The following SND1 variants were observed in gnomAD, a reference collection of about 807,000 sequenced individuals.
SND1 encodes the protein staphylococcal nuclease domain-containing protein 1.
SND1 carries 38 observed loss-of-function variants against 121.7 expected under a neutral mutation model. That is an observed-to-expected ratio of 0.31 (90% CI 0.24 to 0.41). The LOEUF (loss-of-function observed/expected upper bound fraction) is 0.41, where lower values mean the gene tolerates loss of function less well. SND1 is among the 10% of genes least tolerant of loss of function. SND1 has a pLI of 1.00. For missense variants in SND1, 868 were observed against 1,184.6 expected (o/e 0.73, Z 3.92); for synonymous variants, 401 against 447.4 (o/e 0.90, Z 1.31).
chr7:127,906,756 T>C (rs1236334411), intron 14 of SND1, among the ~76,000 whole-genome samples: 7 of 152,120 alleles, frequency 4.6e-5, no homozygotes, highest in Non-Finnish European at 1.0e-4. Context: ...AGTCTCAGGG[T>C]TGTCCTCTCC....
At chr7:127,668,554 T>C (rs1454566527) in intron 1 of SND1, among the ~76,000 whole-genome samples, 1 of 152,230 alleles carries the variant, frequency 6.6e-6, no homozygotes, top group African/African-American at 2.4e-5. Flanking sequence ...AAGTATTTTT[T>C]TGGAATAAAT....
rs181244942 is a variant in SND1 at position 128,083,244 on chromosome 7, T to A, written c.2111-1480T>A. 7.9e-5 allele frequency among the ~76,000 whole-genome samples: 12 copies of A among 152,332 alleles called. No homozygotes were observed. In the East Asian group the frequency reaches 2.3e-3, roughly 29 times the overall value. ...CTCTGTAAGGACCTCCCAGAGGGCT[T>A]TGCCTGTTGGCAGGAGACAAAGTCC... On this transcript the variant is annotated intron_variant, in intron 18 of 23. Coordinates refer to ENST00000354725, the MANE Select transcript of SND1 (RefSeq NM_014390.4).
chr7:127,677,274 A>G (rs1795632677), intron 1 of SND1, among the ~76,000 whole-genome samples: 1 of 152,244 alleles, frequency 6.6e-6, no homozygotes, highest in Non-Finnish European at 1.5e-5. Context: ...CTGGATCATA[A>G]CAACTTATAT....
At chr7:128,032,360 G>A (rs906141000) in intron 16 of SND1, among the ~76,000 whole-genome samples, 14 of 148,866 alleles carry the variant, frequency 9.4e-5, no homozygotes, top group Non-Finnish European at 1.9e-4. Context: ...CCCTCTAGAC[G>A]AGCGGAGCGG....
chr7:128,017,577 C>A (rs959232889), intron 16 of SND1, among the ~76,000 whole-genome samples: 2 of 152,182 alleles, frequency 1.3e-5, no homozygotes, highest in Admixed American at 1.3e-4. Context: ...GAAAAGCCTG[C>A]CATGCGGCCT....
intron 15 of SND1, among the ~76,000 whole-genome samples, chr7:127,945,257 CCGAGGTGGGCGGATCA>C (rs1801302982): frequency 6.6e-6 from 1 of 152,136 alleles, no homozygotes; most frequent in Admixed American, 6.5e-5. Flanking sequence ...CTTTGGGAGG[CCGAGGTGGGCGGATCA>C]CGAGGTCAGG....
At chr7:127,992,302 T>G (rs1035427014) in intron 16 of SND1, among the ~76,000 whole-genome samples, 1 of 152,294 alleles carries the variant, frequency 6.6e-6, no homozygotes, top group Non-Finnish European at 1.5e-5. Context: ...GCCTGAATTT[T>G]TATCAATTAA....
chr7:127,858,221 T>TA, intron 12 of SND1: 1 of 781,916 alleles, frequency 1.3e-6, no homozygotes, highest in Admixed American at 1.8e-5. Flanking sequence ...CGTTTCCTGG[T>TA]ACATGCCAAG....
chr7:128,087,919 G>A (rs74529632), intron 21 of SND1, among the ~76,000 whole-genome samples: 3,438 of 152,190 alleles, frequency 0.023, 72 homozygotes, highest in Non-Finnish European at 0.036. Flanking sequence ...CAGATCCCCC[G>A]GGAGCTCAGG....
chr7:128,048,599 A>G (rs1356005509), intron 16 of SND1, among the ~76,000 whole-genome samples: 3 of 152,062 alleles, frequency 2.0e-5, no homozygotes, highest in Non-Finnish European at 4.4e-5. Flanking sequence ...CAGCCTTGGG[A>G]CGGGAGAGAG....
At chr7:127,789,439 C>T (rs1316735442) in intron 10 of SND1, among the ~76,000 whole-genome samples, 1 of 152,158 alleles carries the variant, frequency 6.6e-6, no homozygotes, top group East Asian at 1.9e-4. Context: ...TAATGTGAGA[C>T]AAATAATTGA....
chr7:127,933,034 T>C (rs1800986437), intron 15 of SND1, among the ~76,000 whole-genome samples: 1 of 152,234 alleles, frequency 6.6e-6, no homozygotes, highest in Non-Finnish European at 1.5e-5. Flanking sequence ...TTTGGCAATG[T>C]AGAGCTTTAT....
chr7:127,652,473 C>A (rs556448773), intron 1 of SND1, 22 bp downstream of exon 1: 12 of 1,547,922 alleles, frequency 7.8e-6, no homozygotes, highest in East Asian at 2.4e-5. Flanking sequence ...CCCCGGACAC[C>A]GACCCCTCTG....
At chr7:128,007,455 T>C (rs1483593860) in intron 16 of SND1, among the ~76,000 whole-genome samples, 3 of 152,186 alleles carry the variant, frequency 2.0e-5, no homozygotes, top group Admixed American at 1.3e-4. Context: ...AGGCCTGATA[T>C]GGAGACGAGG....
chr7:127,652,957 G>C (rs913673251), intron 1 of SND1, among the ~76,000 whole-genome samples: 2 of 152,046 alleles, frequency 1.3e-5, no homozygotes, highest in Admixed American at 6.5e-5. Context: ...TCCACCTCTT[G>C]TGTCGACCTG....
intron 14 of SND1, among the ~76,000 whole-genome samples, chr7:127,913,003 G>A (rs1051626201): frequency 1.3e-5 from 2 of 152,136 alleles, no homozygotes; most frequent in African/African-American, 4.8e-5. Context: ...GAAAATTCAG[G>A]CACCAGAGCA....
chr7:127,996,950 G>A (rs567758665), intron 16 of SND1, among the ~76,000 whole-genome samples: 1 of 152,264 alleles, frequency 6.6e-6, no homozygotes, highest in African/African-American at 2.4e-5. Context: ...TTAGTTAAGG[G>A]CCATATTCTT....
chr7:127,737,253 T>C (rs2116425087), intron 10 of SND1, among the ~76,000 whole-genome samples: 1 of 152,334 alleles, frequency 6.6e-6, no homozygotes, highest in East Asian at 1.9e-4. Flanking sequence ...GTCTGAGTAC[T>C]GTCAACCTAG....
intron 16 of SND1, among the ~76,000 whole-genome samples, chr7:128,055,860 G>T (rs1293300633): frequency 6.6e-6 from 1 of 152,066 alleles, no homozygotes; most frequent in Non-Finnish European, 1.5e-5. Context: ...CTCTACCTCG[G>T]CTGTCTCAAA....
Sources: allele counts gnomAD v4.1 joint callset (sites outside exome capture counted in the v4.1 genomes callset), GRCh38; gene constraint gnomAD v4.1.1; transcripts MANE v1.5; gene names NCBI Gene and HGNC (gene_info 2026-07-23, HGNC 2026-07-21).